Variants in HFM1 observed in about 807,000 individuals in gnomAD.
HFM1 encodes the protein probable ATP-dependent DNA helicase HFM1.
A neutral mutation model predicts 192.1 loss-of-function variants in HFM1; 169 were observed. The ratio of observed to expected loss-of-function variants is 0.88; its 90% CI spans 0.78 to 1.00. The LOEUF (loss-of-function observed/expected upper bound fraction) is 1.00. Among genes scored for constraint, HFM1 ranks in the 50% least tolerant of loss-of-function variants. HFM1 has a pLI of 0.00. For synonymous variants in HFM1, 525 were observed against 537.8 expected (o/e 0.98, Z 0.33); for missense variants, 1,661 against 1,668.0 (o/e 1.00, Z 0.07).
intron 30 of HFM1, among the ~76,000 whole-genome samples, chr1:91,279,445 C>T (rs1667267799): frequency 6.6e-6 from 1 of 152,116 alleles, no homozygotes; most frequent in Non-Finnish European, 1.5e-5. Context: ...ATTTATTCTA[C>T]ACATTGTTGC....
At chr1:91,383,638 C>G (rs375170098) in intron 6 of HFM1, among the ~76,000 whole-genome samples, 1 of 152,172 alleles carries the variant, frequency 6.6e-6, no homozygotes, top group South Asian at 2.1e-4. Context: ...TCTAGCACAG[C>G]TATGCAATAT....
chr1:91,357,633 G>T (rs775280707), intron 13 of HFM1, among the ~76,000 whole-genome samples: 15 of 151,816 alleles, frequency 9.9e-5, no homozygotes, highest in Non-Finnish European at 1.6e-4. Flanking sequence ...AAAATAAAAG[G>T]AATTCAAATT....
intron 13 of HFM1, among the ~76,000 whole-genome samples, chr1:91,363,317 A>C (rs1459820271): frequency 7.8e-6 from 1 of 128,204 alleles, no homozygotes; most frequent in African/African-American, 3.0e-5. Context: ...GTCTACAAGG[A>C]ACTTGAACAA....
At chr1:91,292,732 C>G (rs1668920171) in intron 30 of HFM1, among the ~76,000 whole-genome samples, 1 of 152,064 alleles carries the variant, frequency 6.6e-6, no homozygotes, top group African/African-American at 2.4e-5. Context: ...AAAAAAAGAG[C>G]TCGTATCACC....
intron 2 of HFM1, among the ~76,000 whole-genome samples, chr1:91,396,714 A>G (rs1663706176): frequency 6.6e-6 from 1 of 152,234 alleles, no homozygotes; most frequent in African/African-American, 2.4e-5. Context: ...GTAGTAAATC[A>G]TTCTCAAACT....
At chr1:91,366,922 T>A (rs1205164315) in intron 13 of HFM1, among the ~76,000 whole-genome samples, 1 of 152,166 alleles carries the variant, frequency 6.6e-6, no homozygotes, top group Non-Finnish European at 1.5e-5. Flanking sequence ...AACTGCACTT[T>A]CCTAATGGTC....
intron 30 of HFM1, among the ~76,000 whole-genome samples, chr1:91,277,506 G>GTGT (rs1557765788): frequency 7.5e-6 from 1 of 134,096 alleles, no homozygotes; most frequent in African/African-American, 2.8e-5. Flanking sequence ...CTCCCTGGTG[G>GTGT]GTGTGTGTGT....
chr1:91,277,506 GGT>G (rs67268923), intron 30 of HFM1, among the ~76,000 whole-genome samples: 115,818 of 133,974 alleles, frequency 0.86, 50,124 homozygotes, highest in Middle Eastern at 0.92. Context: ...CTCCCTGGTG[GGT>G]GTGTGTGTGT....
chr1:91,329,064 C>T, intron 20 of HFM1: 1 of 1,610,190 alleles, frequency 6.2e-7, no homozygotes. Flanking sequence ...GTGCATCCTG[C>T]TAGGCAGTGA....
intron 20 of HFM1, among the ~76,000 whole-genome samples, chr1:91,334,665 T>C (rs1475904934): frequency 1.3e-5 from 2 of 152,092 alleles, no homozygotes; most frequent in African/African-American, 4.8e-5. Context: ...GCGCATTGGC[T>C]CACACCTGTA....
chr1:91,313,746 A>G (rs1650812556), intron 29 of HFM1, among the ~76,000 whole-genome samples: 1 of 152,078 alleles, frequency 6.6e-6, no homozygotes, highest in Non-Finnish European at 1.5e-5. Context: ...TATAAATGAA[A>G]AGATAAACTT....
chr1:91,271,065 A>C (rs1476107938), intron 34 of HFM1, among the ~76,000 whole-genome samples: 1 of 152,000 alleles, frequency 6.6e-6, no homozygotes, highest in Non-Finnish European at 1.5e-5. Context: ...ACTGGATCCT[A>C]GTAAGGCCGT....
intron 13 of HFM1, among the ~76,000 whole-genome samples, chr1:91,361,048 G>T (rs1259557523): frequency 6.6e-6 from 1 of 152,120 alleles, no homozygotes; most frequent in Non-Finnish European, 1.5e-5. Context: ...TTAAAGCAGT[G>T]TTAAGAGAGA....
intron 13 of HFM1, among the ~76,000 whole-genome samples, chr1:91,363,182 C>G (rs1221691743): frequency 6.6e-6 from 1 of 151,972 alleles, no homozygotes; most frequent in African/African-American, 2.4e-5. Context: ...CAAATGGCAT[C>G]AAATTAAAAT....
At chr1:91,354,403 A>G (rs1387995705) in intron 13 of HFM1, among the ~76,000 whole-genome samples, 1 of 152,036 alleles carries the variant, frequency 6.6e-6, no homozygotes, top group Non-Finnish European at 1.5e-5. Flanking sequence ...AAGAATGAGG[A>G]AAAGGCATAG....
At chr1:91,356,214 T>C (rs777959067) in intron 13 of HFM1, among the ~76,000 whole-genome samples, 2 of 151,126 alleles carry the variant, frequency 1.3e-5, no homozygotes, top group Admixed American at 6.6e-5. Flanking sequence ...CCAAAACCTA[T>C]GAGATGCAGC....
Position 91,322,991 on chromosome 1 carries a change from T to C in HFM1, c.2541A>G (p.Pro847=). The part of the protein sequence containing the change: ...KDPNRITIRF[P]MEGRIKTREM... ...CTCTTGTTTTAATTCTTCCTTCCAT[T>C]GGAAATCTGTAAATAAAACCACATG... The change falls in exon 23 of 39, where the codon CCA becomes CCG. Residue 847 remains proline (P), a synonymous_variant. Transcript: ENST00000370425. The C allele has an allele frequency of 7.3e-7, 1 of 1,374,822 alleles. No individual in the cohort carries two copies. The allele number at this position is 1,374,822 out of a possible 1,614,324, so 85.2% of individuals were successfully genotyped here. A position where few individuals can be genotyped will look rare whatever the true frequency, so the allele number is the denominator to read the frequency against.
At chr1:91,281,073 AC>A (rs2100821868) in intron 30 of HFM1, among the ~76,000 whole-genome samples, 1 of 152,336 alleles carries the variant, frequency 6.6e-6, no homozygotes, top group Non-Finnish European at 1.5e-5. Flanking sequence ...ATTGTGAAAA[AC>A]GTCACCATAT....
chr1:91,313,997 T>C lies in HFM1; in HGVS notation c.3204A>G (p.Lys1068=), dbSNP rs749957771. ...AKKIAVKRAL[K]SEDLSINLIS... Reference sequence around the variant, plus strand: ...TTAGATTTATGCTAAGATCTTCAGATTTAAGAGCTCTTTTCACAGCAATCT... The same window carrying C: ...TTAGATTTATGCTAAGATCTTCAGACTTAAGAGCTCTTTTCACAGCAATCT... The change falls in exon 29 of 39, where the codon AAA becomes AAG. Residue 1068 remains lysine, a synonymous_variant. Coordinates refer to ENST00000370425, the MANE Select transcript of HFM1 (RefSeq NM_001017975.6). 1.9e-6 allele frequency: 3 copies of C among 1,609,982 alleles called. No homozygotes were observed. In the South Asian group the frequency reaches 3.3e-5, roughly 18 times the overall value.
Sources: gnomAD v4.1 joint callset for allele counts (sites outside exome capture counted in the v4.1 genomes callset) on GRCh38, gnomAD v4.1.1 for gene constraint, MANE v1.5 for transcripts, NCBI Gene and HGNC (gene_info 2026-07-23, HGNC 2026-07-21) for gene names.